The following MAP4K5 variants were observed in gnomAD, a reference collection of about 807,000 sequenced individuals.
The protein encoded by MAP4K5 is MAPK/ERK kinase kinase kinase 5.
Under a neutral mutation model 135.6 loss-of-function variants are expected in MAP4K5, and 82 were observed. The ratio of observed to expected loss-of-function variants is 0.60; its 90% CI spans 0.51 to 0.73. MAP4K5 has a LOEUF of 0.73. MAP4K5 is among the 30% of genes least tolerant of loss of function. The pLI, the probability that MAP4K5 is intolerant of heterozygous loss-of-function variation, is 0.00. For synonymous variants in MAP4K5, 347 were observed against 335.0 expected, an observed-to-expected ratio of 1.04 and a Z score of -0.39; for missense variants, 907 against 1,010.9, an observed-to-expected ratio of 0.90 and a Z score of 1.39.
intron 3 of MAP4K5, among the ~76,000 whole-genome samples, chr14:50,488,775 G>T (rs957324176): frequency 6.6e-6 from 1 of 152,124 alleles, no homozygotes; most frequent in Non-Finnish European, 1.5e-5. Flanking sequence ...CCAAGCACAG[G>T]TTATTAATAA....
At chr14:50,493,314 A>G (rs2037525966) in intron 3 of MAP4K5, among the ~76,000 whole-genome samples, 1 of 152,188 alleles carries the variant, frequency 6.6e-6, no homozygotes, top group South Asian at 2.1e-4. Flanking sequence ...TACGTTGCTC[A>G]GGCTGACACC....
intron 2 of MAP4K5, among the ~76,000 whole-genome samples, chr14:50,522,230 A>C (rs1254145399): frequency 6.6e-6 from 1 of 152,082 alleles, no homozygotes; most frequent in Non-Finnish European, 1.5e-5. Context: ...CCAAGGTTGC[A>C]GCTGTATCCA....
intron 28 of MAP4K5, among the ~76,000 whole-genome samples, chr14:50,431,349 CCACT>C (rs1327156001): frequency 6.6e-6 from 1 of 152,032 alleles, no homozygotes; most frequent in Admixed American, 6.6e-5. Flanking sequence ...TGCGCTGCAC[CCACT>C]AACTCGTCAT....
At position 50,419,201 on chromosome 14, in the gene MAP4K5, C is replaced by T. The variant is rs1331995659; in HGVS notation, c.*818G>A. ...AAAGAAAAATCACAGGTATTTTATA[C>T]TGCTTGTCAAGAATACATACACATG... On this transcript the variant is annotated 3_prime_UTR_variant, in exon 33 of 33. Transcript: ENST00000682126. 1.3e-5 allele frequency: 2 copies of T among 152,104 alleles called. No homozygotes were observed. The highest frequency in any genetic ancestry group is 2.9e-5 in the Non-Finnish European group (2 of 67,982). 9.4% of individuals were successfully genotyped at this position (152,104 alleles called of 1,614,324 possible). A position where few individuals can be genotyped will look rare whatever the true frequency, so the allele number is the denominator to read the frequency against.
Position 50,419,569 on chromosome 14 carries a change from A to G in MAP4K5, c.*450T>C, listed in dbSNP as rs1185195615. On this transcript the variant is annotated 3_prime_UTR_variant, in exon 33 of 33. Coordinates refer to ENST00000682126, the MANE Select transcript of MAP4K5 (RefSeq NM_006575.6). ...AAATAAGGATTAAATATTCTGTTTTACAAAAACATACAGAATGGCCAATAT... is the reference window on the plus strand; with the variant it reads ...AAATAAGGATTAAATATTCTGTTTTGCAAAAACATACAGAATGGCCAATAT... 1.3e-5 allele frequency: 2 copies of G among 155,924 alleles called. No individual in the cohort carries two copies. The highest frequency in any genetic ancestry group is 4.8e-5 in the African/African-American group (2 of 41,488). 9.7% of individuals were successfully genotyped at this position (155,924 alleles called of 1,614,324 possible). A position where few individuals can be genotyped will look rare whatever the true frequency, so the allele number is the denominator to read the frequency against.
At position 50,526,986 on chromosome 14, in the gene MAP4K5, A is replaced by G. The variant is rs562690586; in HGVS notation, c.108+4956T>C. On this transcript the variant is annotated intron_variant, in intron 2 of 32. Transcript: ENST00000682126. ...AAAAAAAAAAGTTTAAAAACTAGAA[A>G]TAACAAATATGCAACTTAGAATGAT... 1.5e-3 allele frequency among the ~76,000 whole-genome samples: 224 copies of G among 152,376 alleles called. 9 individuals are homozygous for G. The South Asian group carries it at 0.045, about 31-fold the overall frequency.
At chr14:50,446,432 G>A (rs888967317) in intron 16 of MAP4K5, among the ~76,000 whole-genome samples, 3 of 152,190 alleles carry the variant, frequency 2.0e-5, no homozygotes, top group Non-Finnish European at 4.4e-5. Context: ...GAATTTTAGA[G>A]TTGGGACCCA....
intron 21 of MAP4K5, 134 bp from the exon 22 acceptor site, chr14:50,440,575 T>C: frequency 1.9e-6 from 1 of 538,932 alleles, no homozygotes; most frequent in Non-Finnish European, 3.3e-6. Context: ...TTTCTTAAAT[T>C]TGTATCACCT....
At chr14:50,527,412 A>AC (rs2038291224) in intron 2 of MAP4K5, among the ~76,000 whole-genome samples, 1 of 108,586 alleles carries the variant, frequency 9.2e-6, no homozygotes, top group Non-Finnish European at 1.7e-5. Context: ...CCTGTCATCC[A>AC]AAAAAAAAAA....
chr14:50,423,479 C>A (rs1351776015), intron 31 of MAP4K5, among the ~76,000 whole-genome samples: 1 of 151,756 alleles, frequency 6.6e-6, no homozygotes, highest in African/African-American at 2.4e-5. Context: ...TGTTCAATCT[C>A]ATAGAATGGG....
chr14:50,437,506 C>T lies in MAP4K5; in HGVS notation c.1852G>A (p.Asp618Asn). The change falls in exon 26 of 33, where the codon GAT (aspartate) becomes AAT (asparagine). Residue 618 changes from aspartate (D) to asparagine (N), a missense_variant. Transcript: ENST00000682126. ...RKFALTTKIP[D>N]TKGCHKCCIV... Reference sequence around the variant, plus strand: ...CAACATTTGTGGCAGCCTTTTGTATCAGGAATCTTTGTTGTTAAAGCGAAT... The same window carrying T: ...CAACATTTGTGGCAGCCTTTTGTATTAGGAATCTTTGTTGTTAAAGCGAAT... 1 of 1,603,868 alleles carries T rather than the reference C, an allele frequency of 6.2e-7. No homozygotes were observed. Among genetic ancestry groups the T allele is most frequent in the African/African-American group, 1.3e-5 (1 of 74,604 alleles).
upstream of MAP4K5, among the ~76,000 whole-genome samples, chr14:50,534,342 T>C (rs530646268): frequency 3.3e-5 from 5 of 152,076 alleles, no homozygotes; most frequent in African/African-American, 1.2e-4. Context: ...AACCAGAGGA[T>C]TTTATAGTGT....
At chr14:50,455,186 C>T (rs548265075) in intron 14 of MAP4K5, among the ~76,000 whole-genome samples, 219 of 151,954 alleles carry the variant, frequency 1.4e-3, no homozygotes, top group Non-Finnish European at 2.8e-3. Context: ...ATCCATACTT[C>T]TTACCTTCTA....
chr14:50,554,305 G>A (rs11846200), intron 1 of MAP4K5, among the ~76,000 whole-genome samples: 1,792 of 152,194 alleles, frequency 0.012, 35 homozygotes, highest in African/African-American at 0.041. Flanking sequence ...TTGGAGTTAC[G>A]TTTTGCTAAC....
intron 16 of MAP4K5, 119 bp from the exon 17 acceptor site, chr14:50,446,240 G>T (rs1362145170): frequency 1.7e-6 from 1 of 585,002 alleles, no homozygotes; most frequent in Non-Finnish European, 2.9e-6. Flanking sequence ...GACAGATCAC[G>T]ATGCAGAGTA....
At chr14:50,541,774 A>G (rs941547820) in intron 2 of MAP4K5, among the ~76,000 whole-genome samples, 1 of 152,002 alleles carries the variant, frequency 6.6e-6, no homozygotes, top group African/African-American at 2.4e-5. Context: ...TAATCCCAGC[A>G]TTTAGGGAGG....
chr14:50,532,364 C>A, intron 1 of MAP4K5, 84 bp downstream of exon 1: 1 of 290,816 alleles, frequency 3.4e-6, no homozygotes, highest in East Asian at 7.3e-5. Context: ...CCGACGAGGC[C>A]TCCCCGCCAG....
At chr14:50,494,553 T>G (rs1165609706) in intron 3 of MAP4K5, among the ~76,000 whole-genome samples, 2 of 152,096 alleles carry the variant, frequency 1.3e-5, no homozygotes, top group African/African-American at 4.8e-5. Flanking sequence ...AACATTTTTT[T>G]TTGCAGAAAT....
chr14:50,491,632 C>A (rs1014927434), intron 3 of MAP4K5, among the ~76,000 whole-genome samples: 6 of 151,770 alleles, frequency 4.0e-5, no homozygotes, highest in Non-Finnish European at 8.8e-5. Context: ...GTGTTCCAAG[C>A]TATAAGCATG....
Sources: gnomAD v4.1 joint callset for allele counts (sites outside exome capture counted in the v4.1 genomes callset) on GRCh38, gnomAD v4.1.1 for gene constraint, MANE v1.5 for transcripts, NCBI Gene and HGNC (gene_info 2026-07-23, HGNC 2026-07-21) for gene names.